The following ACSS3 variants were observed in gnomAD, a reference collection of about 807,000 sequenced individuals.
The protein encoded by ACSS3 is acyl-CoA synthetase short-chain family member 3, mitochondrial.
ACSS3 carries 64 observed loss-of-function variants against 84.2 expected under a neutral mutation model. The ratio of observed to expected loss-of-function variants is 0.76; its 90% CI spans 0.62 to 0.94. The LOEUF (loss-of-function observed/expected upper bound fraction) is 0.94. Ranked by LOEUF, ACSS3 falls within the 40% of genes least tolerant of loss-of-function variation. The pLI is 0.00. For missense variants in ACSS3, 815 were observed against 867.6 expected (o/e 0.94, Z 0.76); for synonymous variants, 317 against 310.1 (o/e 1.02, Z -0.23).
At chr12:81,140,458 C>G (rs1184510744) in intron 4 of ACSS3, among the ~76,000 whole-genome samples, 1 of 151,988 alleles carries the variant, frequency 6.6e-6, no homozygotes, top group Non-Finnish European at 1.5e-5. Flanking sequence ...ATTTATAGAA[C>G]TCTTGACAAG....
intron 9 of ACSS3, 131 bp from the exon 10 acceptor site, chr12:81,216,770 G>A: frequency 1.9e-6 from 1 of 527,956 alleles, no homozygotes. Flanking sequence ...TAATATATTT[G>A]CACTATTCAT....
At chr12:81,142,735 T>G in intron 4 of ACSS3, among the ~76,000 whole-genome samples, 1 of 152,148 alleles carries the variant, frequency 6.6e-6, no homozygotes, top group East Asian at 1.9e-4. Context: ...ATAAATAGGC[T>G]ATGAAAAATA....
intron 5 of ACSS3, among the ~76,000 whole-genome samples, chr12:81,145,067 A>AT (rs35753293): frequency 0.024 from 2,448 of 100,886 alleles, 81 homozygotes; most frequent in Admixed American, 0.08. Flanking sequence ...CGCCTGGCTA[A>AT]TTTTTTTTTT....
chr12:81,145,025 C>G (rs1361029749), intron 5 of ACSS3, among the ~76,000 whole-genome samples: 1 of 149,652 alleles, frequency 6.7e-6, no homozygotes, highest in Non-Finnish European at 1.5e-5. Context: ...CTTAGCCCCC[C>G]GAGTAGCTGG....
chr12:81,203,353 C>T (rs1326444391), intron 9 of ACSS3, among the ~76,000 whole-genome samples: 1 of 152,158 alleles, frequency 6.6e-6, no homozygotes, highest in Non-Finnish European at 1.5e-5. Context: ...CTTCTGGAAA[C>T]ATCTTCACAG....
chr12:81,123,762 C>T (rs561627165), intron 2 of ACSS3, among the ~76,000 whole-genome samples: 22 of 152,290 alleles, frequency 1.4e-4, no homozygotes, highest in Middle Eastern at 3.4e-3. Flanking sequence ...TGGATGACAT[C>T]CAGCTGCATT....
intron 7 of ACSS3, among the ~76,000 whole-genome samples, chr12:81,171,126 T>C (rs964314364): frequency 2.0e-5 from 3 of 152,134 alleles, no homozygotes; most frequent in Non-Finnish European, 4.4e-5. Flanking sequence ...TGAGAATGTA[T>C]GTTCCATTAA....
intron 3 of ACSS3, 51 bp from the exon 4 acceptor site, chr12:81,139,080 C>A: frequency 6.4e-7 from 1 of 1,562,104 alleles, no homozygotes; most frequent in Non-Finnish European, 8.8e-7. Context: ...ATTGTGATTA[C>A]CTAATTAACA....
intron 8 of ACSS3, among the ~76,000 whole-genome samples, chr12:81,196,822 C>A (rs11114786): frequency 4.3e-4 from 66 of 151,998 alleles, no homozygotes; most frequent in African/African-American, 1.6e-3. Context: ...AGCTGTCATG[C>A]GAATAAGTAG....
At chr12:81,087,263 A>G (rs1881378652) in intron 1 of ACSS3, among the ~76,000 whole-genome samples, 1 of 152,126 alleles carries the variant, frequency 6.6e-6, no homozygotes. Context: ...ACTCTGGACA[A>G]TAGGAATACC....
At chr12:81,111,145 A>G (rs1883547253) in intron 2 of ACSS3, among the ~76,000 whole-genome samples, 2 of 152,166 alleles carry the variant, frequency 1.3e-5, no homozygotes, top group African/African-American at 4.8e-5. Flanking sequence ...AGACCTTATG[A>G]AAAGGGTAGA....
At chr12:81,217,751 G>A (rs1033589341) in intron 10 of ACSS3, among the ~76,000 whole-genome samples, 1 of 152,032 alleles carries the variant, frequency 6.6e-6, no homozygotes, top group African/African-American at 2.4e-5. Context: ...GCTGAGGCAC[G>A]AGAATTGCTT....
At chr12:81,145,542 A>G (rs1886301005) in intron 5 of ACSS3, among the ~76,000 whole-genome samples, 1 of 152,204 alleles carries the variant, frequency 6.6e-6, no homozygotes, top group Non-Finnish European at 1.5e-5. Flanking sequence ...ACTACACACA[A>G]TGGAGACAAA....
At chr12:81,165,284 C>T (rs890965941) in intron 7 of ACSS3, among the ~76,000 whole-genome samples, 3 of 152,082 alleles carry the variant, frequency 2.0e-5, no homozygotes, top group African/African-American at 7.2e-5. Flanking sequence ...GATGGGGAAG[C>T]AGAATAAATA....
At chr12:81,099,247 G>A (rs1374250309) in intron 1 of ACSS3, among the ~76,000 whole-genome samples, 1 of 151,886 alleles carries the variant, frequency 6.6e-6, no homozygotes, top group African/African-American at 2.4e-5. Flanking sequence ...AAGTTCTTTT[G>A]TTTTATTGTT....
At chr12:81,078,552 T>A (rs911494331) in intron 1 of ACSS3, 121 bp downstream of exon 1, 1 of 1,055,662 alleles carries the variant, frequency 9.5e-7, no homozygotes, top group Non-Finnish European at 1.4e-6. Flanking sequence ...TGGAGATGTG[T>A]TCAGACCCCT....
At chr12:81,142,058 AC>A (rs1410681277) in intron 4 of ACSS3, among the ~76,000 whole-genome samples, 1 of 152,180 alleles carries the variant, frequency 6.6e-6, no homozygotes, top group Non-Finnish European at 1.5e-5. Context: ...AGTTTTTACA[AC>A]CCTGATTAAT....
intron 8 of ACSS3, among the ~76,000 whole-genome samples, chr12:81,187,987 A>G (rs572705420): frequency 1.6e-4 from 24 of 152,144 alleles, no homozygotes; most frequent in East Asian, 1.3e-3. Flanking sequence ...TAGAAGGATG[A>G]CATTATTGCT....
chr12:81,216,208 C>T (rs1057231783), intron 9 of ACSS3, among the ~76,000 whole-genome samples: 13 of 146,722 alleles, frequency 8.9e-5, no homozygotes, highest in African/African-American at 3.0e-4. Context: ...TATTATTATA[C>T]TTTAAATTTT....
Sources: allele counts gnomAD v4.1 joint callset (sites outside exome capture counted in the v4.1 genomes callset), GRCh38; gene constraint gnomAD v4.1.1; transcripts MANE v1.5; gene names NCBI Gene and HGNC (gene_info 2026-07-23, HGNC 2026-07-21).